THSD4: variants seen among roughly 807,000 people sequenced by gnomAD.
THSD4 encodes the protein thrombospondin type-1 domain-containing protein 4.
A neutral mutation model predicts 119.0 loss-of-function variants in THSD4; 69 were observed. The observed-to-expected ratio is 0.58, with a 90% CI of 0.48 to 0.71. THSD4 has a LOEUF of 0.71. THSD4 is among the 30% of genes least tolerant of loss of function. The probability of loss-of-function intolerance (pLI) is 0.00; values close to 1 mark genes in which losing one functional copy is unlikely to be tolerated. For synonymous variants in THSD4, 524 were observed against 540.4 expected, an observed-to-expected ratio of 0.97 and a Z score of 0.42; for missense variants, 1,393 against 1,391.1, an observed-to-expected ratio of 1.00 and a Z score of -0.02.
At chr15:71,270,252 T>C (rs1322970994) in intron 6 of THSD4, among the ~76,000 whole-genome samples, 1 of 152,098 alleles carries the variant, frequency 6.6e-6, no homozygotes, top group Non-Finnish European at 1.5e-5. Flanking sequence ...CCAAAACTGA[T>C]ATGTAAATGA....
At chr15:71,467,644 G>A (rs1261413590) in intron 7 of THSD4, among the ~76,000 whole-genome samples, 2 of 152,130 alleles carry the variant, frequency 1.3e-5, no homozygotes, top group African/African-American at 4.8e-5. Flanking sequence ...CTTCCTGGGT[G>A]TGATGACTTG....
chr15:71,609,641 A>G (rs548085772), intron 7 of THSD4, among the ~76,000 whole-genome samples: 10 of 152,286 alleles, frequency 6.6e-5, no homozygotes, highest in African/African-American at 2.4e-4. Context: ...TCACGAGGTC[A>G]GGAAATTGAG....
intron 1 of THSD4, among the ~76,000 whole-genome samples, chr15:71,100,074 T>C (rs1475158845): frequency 6.6e-6 from 1 of 152,226 alleles, no homozygotes; most frequent in Admixed American, 6.5e-5. Context: ...TTGAATTCAT[T>C]CAGTCTCTGT....
At chr15:71,724,287 A>ATATATATATATATATATATTTTT in intron 8 of THSD4, among the ~76,000 whole-genome samples, 64 of 37,240 alleles carry the variant, frequency 1.7e-3, no homozygotes, top group Non-Finnish European at 2.9e-3. Flanking sequence ...ATATATATAT[A>ATATATATATATATATATATTTTT]TTTTTTTTTT....
rs35056281 is a variant in THSD4 at position 71,782,251 on chromosome 15, A to AG, written c.*4886dup. 69,976 of 149,500 alleles carry AG rather than the reference A, an allele frequency of 0.47. 19,325 individuals carry two copies. The highest frequency in any genetic ancestry group is 0.61 in the Non-Finnish European group (41,214 of 67,244). The allele number at this position is 149,500 out of a possible 1,614,324, so 9.3% of individuals were successfully genotyped here. On this transcript the variant is annotated 3_prime_UTR_variant, in exon 18 of 18. Transcript: ENST00000261862. ...TGTTCATTTCAGCAGATAATGATGG[A>AG]GGGGGGGGGTGTCCATCGTGCTGAG... is the stretch of plus-strand genomic sequence containing the variant.
At chr15:71,569,948 C>T (rs776422366) in intron 7 of THSD4, among the ~76,000 whole-genome samples, 4 of 152,084 alleles carry the variant, frequency 2.6e-5, no homozygotes, top group Non-Finnish European at 5.9e-5. Flanking sequence ...GAGCTGTGAT[C>T]GCGCCACTGC....
chr15:71,326,700 A>AAAAATATATATATATATATAT (rs1555464320), intron 6 of THSD4, among the ~76,000 whole-genome samples: 1 of 6,452 alleles, frequency 1.5e-4, no homozygotes, highest in Non-Finnish European at 3.6e-4. Context: ...AAAAAAAAAA[A>AAAAATATATATATATATATAT]ATATATATAT....
intron 7 of THSD4, among the ~76,000 whole-genome samples, chr15:71,629,407 C>T (rs1370143131): frequency 6.6e-6 from 1 of 152,292 alleles, no homozygotes; most frequent in African/African-American, 2.4e-5. Flanking sequence ...GCAGTGTGGA[C>T]CCTGCTTCAA....
At chr15:71,257,195 C>G (rs116171486) in intron 6 of THSD4, among the ~76,000 whole-genome samples, 4 of 152,026 alleles carry the variant, frequency 2.6e-5, no homozygotes, top group Admixed American at 1.3e-4. Flanking sequence ...AGGCATTGCC[C>G]GTGAGTACAA....
chr15:71,345,468 T>A (rs528967960), intron 6 of THSD4, among the ~76,000 whole-genome samples: 9 of 152,304 alleles, frequency 5.9e-5, no homozygotes, highest in African/African-American at 2.2e-4. Context: ...AGATTTTTTT[T>A]AACTTAAACC....
At chr15:71,510,684 C>T (rs1438927323) in intron 7 of THSD4, among the ~76,000 whole-genome samples, 1 of 152,188 alleles carries the variant, frequency 6.6e-6, no homozygotes, top group East Asian at 1.9e-4. Context: ...CGTAGCCCAG[C>T]CTCATGTTCT....
chr15:71,118,786 C>T (rs1295438906), intron 1 of THSD4, among the ~76,000 whole-genome samples: 1 of 152,220 alleles, frequency 6.6e-6, no homozygotes. Flanking sequence ...ATGCTGGAAG[C>T]CAACACATGA....
intron 6 of THSD4, among the ~76,000 whole-genome samples, chr15:71,354,273 C>T (rs141352918): frequency 1.0e-3 from 154 of 152,212 alleles, no homozygotes; most frequent in African/African-American, 3.3e-3. Flanking sequence ...CCAGCCTGAT[C>T]GAGACCTTGT....
intron 7 of THSD4, among the ~76,000 whole-genome samples, chr15:71,618,593 A>C (rs563508654): frequency 2.4e-3 from 365 of 152,332 alleles, no homozygotes; most frequent in Admixed American, 4.6e-3. Context: ...TATTATTAAG[A>C]GACAGGGTCT....
At chr15:71,113,631 C>G (rs920540764), upstream of THSD4, 1 of 152,188 alleles carries the variant, frequency 6.6e-6, no homozygotes, top group Admixed American at 6.5e-5. Flanking sequence ...CTGCATTTAC[C>G]TACCACCTAC....
intron 6 of THSD4, among the ~76,000 whole-genome samples, chr15:71,333,081 G>T (rs1240295122): frequency 6.6e-6 from 1 of 151,554 alleles, no homozygotes; most frequent in African/African-American, 2.4e-5. Context: ...TAATAGTGCT[G>T]TTCCTATGGG....
chr15:71,728,642 A>C lies in THSD4; in HGVS notation c.1451A>C (p.Tyr484Ser). The change falls in exon 9 of 18, where the codon TAC (tyrosine) becomes TCC (serine). Residue 484 changes from tyrosine to serine, a missense_variant. Coordinates refer to ENST00000261862, the MANE Select transcript of THSD4 (RefSeq NM_024817.3). Reference sequence around the variant, plus strand: ...GAGGGCGGAGGGACCATGTTCACCTACAAGCGTCCAAATGAGATTTCGAGC... The same window carrying C: ...GAGGGCGGAGGGACCATGTTCACCTCCAAGCGTCCAAATGAGATTTCGAGC... ...KYEGGGTMFT[Y>S]KRPNEISSTA... 6.2e-7 allele frequency: 1 copy of C among 1,614,226 alleles called. No homozygotes were observed. The highest frequency in any genetic ancestry group is 1.1e-5 in the South Asian group (1 of 91,088).
At chr15:71,441,660 TG>T in intron 7 of THSD4, among the ~76,000 whole-genome samples, 1 of 151,968 alleles carries the variant, frequency 6.6e-6, no homozygotes, top group Non-Finnish European at 1.5e-5. Context: ...CACAAAGTGC[TG>T]GCATTACAGG....
chr15:71,215,331 G>A lies in THSD4; in HGVS notation c.396G>A (p.Gln132=). The A allele has an allele frequency of 6.5e-7, 1 of 1,530,746 alleles. No homozygotes were observed. Among genetic ancestry groups the A allele is most frequent in the Non-Finnish European group, 8.7e-7 (1 of 1,144,894 alleles). 94.8% of individuals were successfully genotyped at this position (1,530,746 alleles called of 1,614,324 possible). The change falls in exon 4 of 18, where the codon CAG becomes CAA. Residue 132 remains glutamine, a synonymous_variant. Coordinates refer to ENST00000261862, the MANE Select transcript of THSD4 (RefSeq NM_024817.3). ...TGGCCGGTACGGACGCCAGCCGCCA[G>A]GGCCCCACGGTGCTGCGAGGCAGCC... ...PALAGTDASR[Q]GPTVLRGSRH...
Sources: gnomAD v4.1 joint callset for allele counts (sites outside exome capture counted in the v4.1 genomes callset) on GRCh38, gnomAD v4.1.1 for gene constraint, MANE v1.5 for transcripts, NCBI Gene and HGNC (gene_info 2026-07-23, HGNC 2026-07-21) for gene names.